The following ZAP70 variants were observed in gnomAD, a reference collection of about 807,000 sequenced individuals.
ZAP70 encodes the protein tyrosine-protein kinase ZAP-70.
In ZAP70, 27 loss-of-function variants were observed where a neutral mutation model predicts 65.8. The observed-to-expected ratio is 0.41, with a 90% CI of 0.30 to 0.57. The LOEUF is 0.57. Ranked by LOEUF, ZAP70 falls within the 20% of genes least tolerant of loss-of-function variation. ZAP70 has a pLI of 0.28. For synonymous variants in ZAP70, 363 were observed against 360.8 expected, an observed-to-expected ratio of 1.01 and a Z score of -0.07; for missense variants, 696 against 870.5, an observed-to-expected ratio of 0.80 and a Z score of 2.52.
chr2:97,733,280 C>T lies in ZAP70; in HGVS notation c.791-17C>T, dbSNP rs762766552. On this transcript the variant is annotated splice_polypyrimidine_tract_variant and intron_variant, in intron 6 of 13. Transcript: ENST00000264972. ...AGACCTGGCCCCCAGCCCTCACTGTCCCTTCTGCTCCCCCAGGGGCTGCTG... is the reference window on the plus strand; with the variant it reads ...AGACCTGGCCCCCAGCCCTCACTGTTCCTTCTGCTCCCCCAGGGGCTGCTG... 6 of 1,607,364 alleles carry T rather than the reference C, an allele frequency of 3.7e-6. No individual in the cohort carries two copies. Among genetic ancestry groups the T allele is most frequent in the Non-Finnish European group, 5.1e-6 (6 of 1,176,472 alleles).
rs1291960553 is a variant in ZAP70 at position 97,737,643 on chromosome 2, G to A, written c.1460G>A (p.Gly487Asp). 1.2e-6 allele frequency: 2 copies of A among 1,614,002 alleles called. No individual in the cohort carries two copies. The highest frequency in any genetic ancestry group is 1.3e-5 in the African/African-American group (1 of 74,910). ...ISDFGLSKAL[G>D]ADDSYYTARS... ...GACTTTGGCCTCTCCAAAGCACTGG[G>A]TGCCGACGACAGCTACTACACTGTA... The change falls in exon 11 of 14, where the codon GGT becomes GAT. Residue 487 changes from glycine (G) to aspartate (D), a missense_variant. Coordinates refer to ENST00000264972, the MANE Select transcript of ZAP70 (RefSeq NM_001079.4). The surrounding 1 kb of genome is among the most constrained non-coding windows in gnomAD (Gnocchi z 5.0).
rs900434958 is a variant in ZAP70, at chr2:97,734,781, T to C, written c.1082+69T>C. ...AGAGGGGAGTGGCTTCACCGGGCTG[T>C]GGGACGGGAGCCGGGATGTCTGTCT... On this transcript the variant is annotated intron_variant, in intron 9 of 13. Coordinates refer to ENST00000264972, the MANE Select transcript of ZAP70 (RefSeq NM_001079.4). 4 of 1,587,264 alleles carry C rather than the reference T, an allele frequency of 2.5e-6. No homozygotes were observed. In the African/African-American group the frequency reaches 5.4e-5, roughly 21 times the overall value.
Position 97,738,108 on chromosome 2 carries a change from G to A in ZAP70, c.1736+1G>A. ...TCATGAGTGACTGCTGGATCTACAAGTGAGTGCCAGTGGGGAGGGGACCCG... is the reference window on the plus strand; with the variant it reads ...TCATGAGTGACTGCTGGATCTACAAATGAGTGCCAGTGGGGAGGGGACCCG... On this transcript the variant is annotated splice_donor_variant, in intron 13 of 13. Coordinates refer to ENST00000264972, the MANE Select transcript of ZAP70 (RefSeq NM_001079.4). LOFTEE classifies it high-confidence loss of function. 1.3e-6 allele frequency: 2 copies of A among 1,592,330 alleles called. No homozygotes were observed. The highest frequency in any genetic ancestry group is 1.7e-6 in the Non-Finnish European group (2 of 1,168,958).
intron 2 of ZAP70, among the ~76,000 whole-genome samples, chr2:97,717,898 C>T (rs1207551935): frequency 6.6e-6 from 1 of 152,186 alleles, no homozygotes; most frequent in Non-Finnish European, 1.5e-5. Flanking sequence ...GGCTCCAAGG[C>T]TTCCTCCCAT....
chr2:97,732,807 G>T (rs746074606), intron 4 of ZAP70, 76 bp from the exon 5 acceptor site: 1 of 1,597,196 alleles, frequency 6.3e-7, no homozygotes, highest in African/African-American at 1.3e-5. Context: ...CATAGGGTGT[G>T]TTGCGGGGGA....
chr2:97,748,547 C>T, the ZAP70 span, among the ~76,000 whole-genome samples: 1 of 152,138 alleles, frequency 6.6e-6, no homozygotes, highest in Non-Finnish European at 1.5e-5. Context: ...AGCAGAAGAA[C>T]CAGGGTCTTT....
At chr2:97,718,210 G>A (rs1475637393) in intron 2 of ZAP70, among the ~76,000 whole-genome samples, 1 of 152,162 alleles carries the variant, frequency 6.6e-6, no homozygotes, top group Non-Finnish European at 1.5e-5. Flanking sequence ...TCTTCTGGGA[G>A]GGCCACGAGT....
At chr2:97,725,863 AG>A (rs1277959641) in intron 4 of ZAP70, among the ~76,000 whole-genome samples, 1 of 152,124 alleles carries the variant, frequency 6.6e-6, no homozygotes, top group African/African-American at 2.4e-5. Context: ...GCAAGTGCAA[AG>A]ATCAGGAGGC....
the ZAP70 span, among the ~76,000 whole-genome samples, chr2:97,746,663 G>C: frequency 6.6e-6 from 1 of 152,192 alleles, no homozygotes; most frequent in African/African-American, 2.4e-5. Flanking sequence ...AAGGCATTTT[G>C]TTGACAGCAG....
intron 4 of ZAP70, 114 bp downstream of exon 4, chr2:97,725,366 A>G: frequency 7.5e-7 from 1 of 1,328,632 alleles, no homozygotes; most frequent in Non-Finnish European, 1.1e-6. Context: ...CCCTGTGCTC[A>G]CATGTGCAAG....
At chr2:97,725,665 A>G (rs1438683932) in intron 4 of ZAP70, among the ~76,000 whole-genome samples, 1 of 152,242 alleles carries the variant, frequency 6.6e-6, no homozygotes, top group Non-Finnish European at 1.5e-5. Context: ...CAAGAAAAGG[A>G]ATCAATAAAA....
Position 97,736,938 on chromosome 2 carries a change from C to T in ZAP70, c.1290-535C>T, listed in dbSNP as rs548853168. 3.6e-4 allele frequency among the ~76,000 whole-genome samples: 54 copies of T among 151,960 alleles called. No homozygotes were observed. Among genetic ancestry groups the T allele is most frequent in the African/African-American group, 9.7e-4 (40 of 41,426 alleles). ...CAAGACAGTGGGAGACAGGAGGGAG[C>T]GAGGGCCTGGGCGGAGCTGACTATT... On this transcript the variant is annotated intron_variant, in intron 10 of 13. Coordinates refer to ENST00000264972, the MANE Select transcript of ZAP70 (RefSeq NM_001079.4). The surrounding 1 kb of genome is among the most constrained non-coding windows in gnomAD (Gnocchi z 4.0).
At position 97,724,193 on chromosome 2, in the gene ZAP70, G is replaced by T; in HGVS notation, c.157G>T (p.Asp53Tyr). Residue 53 changes from aspartate (D) to tyrosine (Y), a missense_variant, in exon 3 of 14, where the codon GAT becomes TAT. Physicochemically the swap from Asp to Tyr is radical, Grantham distance 160 (BLOSUM62 -3). Around this residue, in one of 3 missense-constraint regions of ZAP70, gnomAD observed 551 missense variants for 630.0 expected, o/e 0.87. Coordinates refer to ENST00000264972, the MANE Select transcript of ZAP70 (RefSeq NM_001079.4). ...CGGCTATGTGCTGTCGCTCGTGCAC[G>T]ATGTGCGCTTCCACCACTTTCCCAT... ...LGGYVLSLVH[D>Y]VRFHHFPIER... 1.3e-6 allele frequency: 2 copies of T among 1,598,704 alleles called. No homozygotes were observed. Among genetic ancestry groups the T allele is most frequent in the East Asian group, 2.3e-5 (1 of 44,424 alleles).
At chr2:97,723,720 G>A (rs1206442065) in intron 2 of ZAP70, among the ~76,000 whole-genome samples, 2 of 152,260 alleles carry the variant, frequency 1.3e-5, no homozygotes, top group Non-Finnish European at 2.9e-5. Context: ...TCAGCACGTG[G>A]TTGGGACATG....
At chr2:97,735,213 C>T in intron 9 of ZAP70, 37 bp from the exon 10 acceptor site, 7 of 1,611,990 alleles carry the variant, frequency 4.3e-6, no homozygotes, top group Non-Finnish European at 5.9e-6. Flanking sequence ...GGGCCGGTGC[C>T]CCTCGCCCAC....
At position 97,731,220 on chromosome 2, in the gene ZAP70, G is replaced by A. The variant is rs1251404603; in HGVS notation, c.564-1663G>A. 6.6e-6 allele frequency among the ~76,000 whole-genome samples: 1 copy of A among 152,210 alleles called. No homozygotes were observed. The highest frequency in any genetic ancestry group is 2.4e-5 in the African/African-American group (1 of 41,528). On this transcript the variant is annotated intron_variant, in intron 4 of 13. Transcript: ENST00000264972. This position sits in a 1 kb window ranked among gnomAD's most constrained non-coding sequence, Gnocchi z 4.0. ...AGTCCCTGGAGACCATCACCTCCAG[G>A]CCAGCCTGCCACCTGCCTCTGACTT...
intron 7 of ZAP70, 93 bp downstream of exon 7, chr2:97,733,436 C>T (rs753549375): frequency 1.8e-5 from 29 of 1,598,000 alleles, no homozygotes; most frequent in East Asian, 4.5e-5. Flanking sequence ...GCCTGTGGAG[C>T]GGAAGAAGCT....
chr2:97,737,904 G>A lies in ZAP70; in HGVS notation c.1623+7G>A, dbSNP rs56065241. On this transcript the variant is annotated splice_region_variant and intron_variant, in intron 12 of 13. Coordinates refer to ENST00000264972, the MANE Select transcript of ZAP70 (RefSeq NM_001079.4). This position sits in a 1 kb window ranked among gnomAD's most constrained non-coding sequence, Gnocchi z 5.0. The stretch of plus-strand genomic sequence containing the variant: ...CGGCCAGAAGCCCTACAAGGCAGGC[G>A]CGGGCAGAGGCAGGTGGGCGGTGTG... The A allele has an allele frequency of 3.3e-4, 539 of 1,614,110 alleles. 1 individual carries two copies. The African/African-American group carries it at 6.2e-3, about 18-fold the overall frequency.
intron 4 of ZAP70, among the ~76,000 whole-genome samples, chr2:97,727,215 C>T (rs1314782479): frequency 6.6e-6 from 1 of 152,242 alleles, no homozygotes; most frequent in East Asian, 1.9e-4. Context: ...AAACCAAAGT[C>T]ACTGTAGGGA....
Sources: gnomAD v4.1 joint callset for allele counts (sites outside exome capture counted in the v4.1 genomes callset) on GRCh38, gnomAD v4.1.1 for gene constraint, gnomAD v4.1.1 regional missense constraint, Gnocchi (gnomAD v3.1) non-coding constraint, MANE v1.5 for transcripts, NCBI Gene and HGNC (gene_info 2026-07-23, HGNC 2026-07-21) for gene names.